The following RBM47 variants were observed in gnomAD, a reference collection of about 807,000 sequenced individuals.
RBM47 encodes the protein RNA-binding protein 47.
RBM47 carries 21 observed loss-of-function variants against 47.1 expected under a neutral mutation model. That is an observed-to-expected ratio of 0.45 (90% confidence interval 0.32 to 0.64). RBM47 has a LOEUF of 0.64. Ranked by LOEUF, RBM47 falls within the 30% of genes least tolerant of loss-of-function variation. The pLI, the probability that RBM47 is intolerant of heterozygous loss-of-function variation, is 0.05. For synonymous variants in RBM47, 375 were observed against 361.7 expected, an observed-to-expected ratio of 1.04 and a Z score of -0.42; for missense variants, 708 against 870.9, an observed-to-expected ratio of 0.81 and a Z score of 2.35.
intron 1 of RBM47, among the ~76,000 whole-genome samples, chr4:40,553,295 A>G (rs762633886): frequency 1.2e-4 from 17 of 139,342 alleles, no homozygotes; most frequent in Admixed American, 2.9e-4. Flanking sequence ...TGTATTTTTT[A>G]TTTTATTTTA....
intron 3 of RBM47, among the ~76,000 whole-genome samples, chr4:40,465,145 A>C (rs1341269017): frequency 2.6e-5 from 4 of 152,136 alleles, no homozygotes; most frequent in Non-Finnish European, 5.9e-5. Context: ...CCTAGGGAAC[A>C]TGAAGACAAA....
In RBM47 at chr4:40,591,929, G is replaced by T. The variant is rs539979660; in HGVS notation, c.-240+37467C>A. On this transcript the variant is annotated intron_variant, in intron 1 of 6. Coordinates refer to ENST00000295971, the MANE Select transcript of RBM47 (RefSeq NM_001098634.2). Reference sequence around the variant, plus strand: ...TGGGAGGTAAATTTATGTGAAAATGGAACCTCTCAAAGTTAATATATATTT... The same window carrying T: ...TGGGAGGTAAATTTATGTGAAAATGTAACCTCTCAAAGTTAATATATATTT... Among the ~76,000 whole-genome samples, 3 of 152,268 alleles carry T rather than the reference G, an allele frequency of 2.0e-5. No homozygotes were observed. In the East Asian group the frequency reaches 5.8e-4, roughly 29 times the overall value.
intron 2 of RBM47, among the ~76,000 whole-genome samples, chr4:40,500,429 G>A (rs1364183527): frequency 6.6e-6 from 1 of 151,908 alleles, no homozygotes; most frequent in East Asian, 1.9e-4. Flanking sequence ...TGGGCAACAA[G>A]GTGAAACCCC....
At position 40,436,536 on chromosome 4, in the gene RBM47, T is replaced by C; in HGVS notation, c.1235A>G (p.His412Arg). 1 of 1,614,232 alleles carries C rather than the reference T, an allele frequency of 6.2e-7. No homozygotes were observed. The highest frequency in any genetic ancestry group is 8.5e-7 in the Non-Finnish European group (1 of 1,180,030). ...SAGRGIYSRYHEGKGKQQEKG... is the reference protein window; with the variant it reads ...SAGRGIYSRYREGKGKQQEKG... ...TTCTTGCTGCTTTCCTTTCCCTTCA[T>C]GATATCGGCTATATATACCACGACC... The change falls in exon 5 of 7, where the codon CAT becomes CGT. Residue 412 changes from histidine (H) to arginine (R), a missense_variant. His to Arg is a conservative substitution (Grantham distance 29, BLOSUM62 0). Coordinates refer to ENST00000295971, the MANE Select transcript of RBM47 (RefSeq NM_001098634.2).
Position 40,549,108 on chromosome 4 carries a change from T to G in RBM47, c.-239-4602A>C, listed in dbSNP as rs539807858. ...TGACTGTACCTCAGTTTCTTTTTTT[T>G]TGGGGGGGGGGACACAGAGCCTTGC... On this transcript the variant is annotated intron_variant, in intron 1 of 6. Coordinates refer to ENST00000295971, the MANE Select transcript of RBM47 (RefSeq NM_001098634.2). Among the ~76,000 whole-genome samples the G allele has an allele frequency of 5.8e-3, 804 of 139,412 alleles. 7 individuals carry two copies. Among genetic ancestry groups the G allele is most frequent in the African/African-American group, 0.023 (763 of 32,722 alleles). The allele number at this position is 139,412 out of a possible 152,430, so 91.5% of individuals were successfully genotyped here.
At chr4:40,544,799 G>A (rs2154262638) in intron 1 of RBM47, among the ~76,000 whole-genome samples, 1 of 152,240 alleles carries the variant, frequency 6.6e-6, no homozygotes, top group African/African-American at 2.4e-5. Flanking sequence ...AGAGAAAGGA[G>A]AGCCTCATGC....
chr4:40,591,556 T>C (rs1309522017), intron 1 of RBM47, among the ~76,000 whole-genome samples: 2 of 151,884 alleles, frequency 1.3e-5, no homozygotes, highest in Non-Finnish European at 1.5e-5. Flanking sequence ...TAGCTGGGCG[T>C]GGTGGCATGA....
At chr4:40,464,628 G>A (rs1717682765) in intron 3 of RBM47, among the ~76,000 whole-genome samples, 1 of 151,916 alleles carries the variant, frequency 6.6e-6, no homozygotes, top group African/African-American at 2.4e-5. Flanking sequence ...AGCCAGGCAT[G>A]GTGGCTCACG....
Position 40,474,420 on chromosome 4 carries a change from C to T in RBM47, c.-154-7721G>A, listed in dbSNP as rs542741330. On this transcript the variant is annotated intron_variant, in intron 2 of 6. Transcript: ENST00000295971. ...CAAATAACGATGATCTTGAGAATGG[C>T]AGACGTCTTACAAAAAGGCATTTGG... 1.9e-4 allele frequency among the ~76,000 whole-genome samples: 29 copies of T among 152,154 alleles called. No homozygotes were observed. In the South Asian group the frequency reaches 5.6e-3, roughly 29 times the overall value.
chr4:40,500,690 A>T (rs1723240308), intron 2 of RBM47, among the ~76,000 whole-genome samples: 1 of 152,248 alleles, frequency 6.6e-6, no homozygotes, highest in South Asian at 2.1e-4. Context: ...GGTCATAGGT[A>T]TAGCCTTGCA....
At chr4:40,465,872 G>A (rs1385450138) in intron 3 of RBM47, among the ~76,000 whole-genome samples, 1 of 152,078 alleles carries the variant, frequency 6.6e-6, no homozygotes, top group Non-Finnish European at 1.5e-5. Context: ...GAAGGTATGA[G>A]GATTGATCAA....
chr4:40,607,595 T>C (rs1176832862), intron 1 of RBM47, among the ~76,000 whole-genome samples: 3 of 152,118 alleles, frequency 2.0e-5, no homozygotes, highest in African/African-American at 7.2e-5. Flanking sequence ...TAATTCTAGC[T>C]ATTCAGGAGG....
At position 40,424,708 on chromosome 4, in the gene RBM47, T is replaced by C. The variant is rs1286013967; in HGVS notation, c.*1196A>G. 4 of 152,108 alleles carry C rather than the reference T, an allele frequency of 2.6e-5. No homozygotes were observed. Among genetic ancestry groups the C allele is most frequent in the Admixed American group, 1.3e-4 (2 of 15,256 alleles). 9.4% of individuals were successfully genotyped at this position (152,108 alleles called of 1,614,324 possible). On this transcript the variant is annotated 3_prime_UTR_variant, in exon 7 of 7. Coordinates refer to ENST00000295971, the MANE Select transcript of RBM47 (RefSeq NM_001098634.2). The stretch of plus-strand genomic sequence containing the variant: ...ATGTTTCCAACACCCTTGAGGACCA[T>C]GGACAGTTTTGCAAGAAACATGGTA...
chr4:40,575,944 A>C (rs944235536), intron 1 of RBM47, among the ~76,000 whole-genome samples: 3 of 152,220 alleles, frequency 2.0e-5, no homozygotes, highest in African/African-American at 4.8e-5. Context: ...ATCCAGAGGA[A>C]GCCCAGAAGA....
At chr4:40,428,056 C>T (rs1407523844) in intron 6 of RBM47, among the ~76,000 whole-genome samples, 1 of 151,912 alleles carries the variant, frequency 6.6e-6, no homozygotes, top group Non-Finnish European at 1.5e-5. Context: ...CCAGCCATGG[C>T]GGTGCGTACT....
intron 3 of RBM47, among the ~76,000 whole-genome samples, chr4:40,460,834 G>A (rs557157397): frequency 3.5e-4 from 49 of 139,304 alleles, no homozygotes; most frequent in African/African-American, 1.3e-3. Flanking sequence ...GTTGCAGTGA[G>A]CCAAGATCGC....
At chr4:40,520,509 C>A (rs1726094314) in intron 2 of RBM47, among the ~76,000 whole-genome samples, 1 of 152,056 alleles carries the variant, frequency 6.6e-6, no homozygotes, top group Admixed American at 6.6e-5. Flanking sequence ...ATCTTTGAGG[C>A]TAGTATATAT....
chr4:40,533,962 T>C (rs1027416832), intron 2 of RBM47, among the ~76,000 whole-genome samples: 4 of 151,916 alleles, frequency 2.6e-5, no homozygotes, highest in Non-Finnish European at 5.9e-5. Flanking sequence ...ATTACAGGCA[T>C]GCACCACCAC....
At chr4:40,622,803 G>C (rs1252859714) in intron 1 of RBM47, among the ~76,000 whole-genome samples, 2 of 152,182 alleles carry the variant, frequency 1.3e-5, no homozygotes, top group South Asian at 2.1e-4. Context: ...AATCACTGGA[G>C]CCTGGAAGGC....
Sources: allele counts gnomAD v4.1 joint callset (sites outside exome capture counted in the v4.1 genomes callset), GRCh38; gene constraint gnomAD v4.1.1; transcripts MANE v1.5; gene names NCBI Gene and HGNC (gene_info 2026-07-23, HGNC 2026-07-21).